Variants in KCNJ2 observed in about 807,000 individuals in gnomAD.
The protein encoded by KCNJ2 is inward rectifier potassium channel 2.
In KCNJ2, 12 loss-of-function variants were observed where a neutral mutation model predicts 28.4. The observed-to-expected ratio is 0.42, with a 90% CI of 0.27 to 0.68. KCNJ2 has a LOEUF of 0.68. Ranked by LOEUF, KCNJ2 falls within the 30% of genes least tolerant of loss-of-function variation. KCNJ2 has a pLI of 0.23. For missense variants in KCNJ2, 320 were observed against 551.3 expected, an observed-to-expected ratio of 0.58 and a Z score of 4.20; for synonymous variants, 200 against 203.2, an observed-to-expected ratio of 0.98 and a Z score of 0.13.
At position 70,175,793 on chromosome 17, in the gene KCNJ2, G is replaced by A; in HGVS notation, c.754G>A (p.Val252Ile). The change falls in exon 2 of 2, where the codon GTT becomes ATT. Residue 252 changes from valine to isoleucine, a missense_variant. Around this residue, in one of 3 missense-constraint regions of KCNJ2, gnomAD observed 155 missense variants for 231.6 expected, o/e 0.67. Coordinates refer to ENST00000243457, the MANE Select transcript of KCNJ2 (RefSeq NM_000891.3). The surrounding 1 kb of genome is among the most constrained non-coding windows in gnomAD (Gnocchi z 8.3). ...CCCTCTGGATCAAATAGACATCAAT[G>A]TTGGGTTTGACAGTGGAATCGATCG... ...YIPLDQIDIN[V>I]GFDSGIDRIF... 6.2e-7 allele frequency: 1 copy of A among 1,614,182 alleles called. No homozygotes were observed. Among genetic ancestry groups the A allele is most frequent in the Non-Finnish European group, 8.5e-7 (1 of 1,180,026 alleles).
chr17:70,176,529 G>A lies in KCNJ2; in HGVS notation c.*206G>A, dbSNP rs1488018801. ...AACCATGTCTCCATGTGACCCGATG[G>A]CACATAGATGTTGTAGAATAAGTTA... On this transcript the variant is annotated 3_prime_UTR_variant, in exon 2 of 2. Coordinates refer to ENST00000243457, the MANE Select transcript of KCNJ2 (RefSeq NM_000891.3). The A allele has an allele frequency of 1.6e-6, 1 of 624,098 alleles. No individual in the cohort carries two copies. Among genetic ancestry groups the A allele is most frequent in the Non-Finnish European group, 2.9e-6 (1 of 342,042 alleles). 38.7% of individuals were successfully genotyped at this position (624,098 alleles called of 1,614,324 possible). A position where few individuals can be genotyped will look rare whatever the true frequency, so the allele number is the denominator to read the frequency against.
intron 1 of KCNJ2, among the ~76,000 whole-genome samples, chr17:70,173,657 C>T (rs1028446150): frequency 2.6e-5 from 4 of 152,162 alleles, no homozygotes; most frequent in Admixed American, 6.5e-5. Flanking sequence ...ACTATTTGCA[C>T]ATATTAAGTA....
At chr17:70,172,455 A>G (rs546761239) in intron 1 of KCNJ2, among the ~76,000 whole-genome samples, 7 of 152,336 alleles carry the variant, frequency 4.6e-5, no homozygotes, top group Admixed American at 3.9e-4. Flanking sequence ...TAGTCTCTCA[A>G]TACAGGCTAC....
At position 70,176,426 on chromosome 17, in the gene KCNJ2, C is replaced by A; in HGVS notation, c.*103C>A. 9.9e-7 allele frequency: 1 copy of A among 1,009,360 alleles called. No individual in the cohort carries two copies. The highest frequency in any genetic ancestry group is 1.6e-6 in the Non-Finnish European group (1 of 639,146). 62.5% of individuals were successfully genotyped at this position (1,009,360 alleles called of 1,614,324 possible). ...ACGGTACTGGTCAAGATGGGTCAAGCAAGCGGCCACAAGGGACTGAGGCAA... is the reference window on the plus strand; with the variant it reads ...ACGGTACTGGTCAAGATGGGTCAAGAAAGCGGCCACAAGGGACTGAGGCAA... On this transcript the variant is annotated 3_prime_UTR_variant, in exon 2 of 2. Coordinates refer to ENST00000243457, the MANE Select transcript of KCNJ2 (RefSeq NM_000891.3).
intron 1 of KCNJ2, among the ~76,000 whole-genome samples, chr17:70,174,150 C>T (rs544673026): frequency 2.0e-5 from 3 of 152,174 alleles, no homozygotes; most frequent in South Asian, 4.1e-4. Flanking sequence ...GTTTTGTCCA[C>T]TAGTTCCCTC....
At position 70,175,618 on chromosome 17, in the gene KCNJ2, T is replaced by G. The variant is rs773272852; in HGVS notation, c.579T>G (p.Leu193=). Residue 193 remains leucine, a synonymous_variant, in exon 2 of 2, where the codon CTT becomes CTG. Coordinates refer to ENST00000243457, the MANE Select transcript of KCNJ2 (RefSeq NM_000891.3). This position sits in a 1 kb window ranked among gnomAD's most constrained non-coding sequence, Gnocchi z 8.3. ...AGCCAAAGAAGAGAAACGAGACTCT[T>G]GTCTTCAGTCACAATGCCGTGATTG... ...MAKPKKRNET[L]VFSHNAVIAM... 5.0e-5 allele frequency: 80 copies of G among 1,614,108 alleles called. No homozygotes were observed. The highest frequency in any genetic ancestry group is 6.6e-5 in the Non-Finnish European group (78 of 1,180,044).
chr17:70,174,122 T>C (rs2074378817), intron 1 of KCNJ2, among the ~76,000 whole-genome samples: 1 of 152,180 alleles, frequency 6.6e-6, no homozygotes, highest in Non-Finnish European at 1.5e-5. Context: ...ATAGGGGCAG[T>C]ATTCACCATC....
In KCNJ2 at chr17:70,179,033, G is replaced by A. The variant is rs899680889; in HGVS notation, c.*2710G>A. 7.1e-6 allele frequency: 1 copy of A among 140,312 alleles called. No individual in the cohort carries two copies. The highest frequency in any genetic ancestry group is 2.3e-4 in the East Asian group (1 of 4,346). 8.7% of individuals were successfully genotyped at this position (140,312 alleles called of 1,614,324 possible). A position where few individuals can be genotyped will look rare whatever the true frequency, so the allele number is the denominator to read the frequency against. On this transcript the variant is annotated 3_prime_UTR_variant, in exon 2 of 2. Coordinates refer to ENST00000243457, the MANE Select transcript of KCNJ2 (RefSeq NM_000891.3). ...ATTTGAAACCTTTTTCTAGTTATTAGCGTTTTAACAGTTACAAGCTTTAAA... is the reference window on the plus strand; with the variant it reads ...ATTTGAAACCTTTTTCTAGTTATTAACGTTTTAACAGTTACAAGCTTTAAA...
intron 1 of KCNJ2, among the ~76,000 whole-genome samples, chr17:70,173,019 C>A (rs895617622): frequency 6.6e-6 from 1 of 152,168 alleles, no homozygotes; most frequent in Non-Finnish European, 1.5e-5. Flanking sequence ...ACAGTAACTT[C>A]TTTTTATAAA....
Position 70,178,018 on chromosome 17 carries a change from A to G in KCNJ2, c.*1695A>G, listed in dbSNP as rs1307619257. 3.9e-5 allele frequency: 6 copies of G among 153,910 alleles called. No homozygotes were observed. Among genetic ancestry groups the G allele is most frequent in the African/African-American group, 1.1e-4 (4 of 36,510 alleles). The allele number at this position is 153,910 out of a possible 1,614,324, so 9.5% of individuals were successfully genotyped here. A position where few individuals can be genotyped will look rare whatever the true frequency, so the allele number is the denominator to read the frequency against. The stretch of plus-strand genomic sequence containing the variant: ...TTTTTTTTTCTCACTGAAGCTCAAT[A>G]ATGGAACTCTTTTTTTTTTTTTTTT... On this transcript the variant is annotated 3_prime_UTR_variant, in exon 2 of 2. Coordinates refer to ENST00000243457, the MANE Select transcript of KCNJ2 (RefSeq NM_000891.3).
rs1378655159 is a variant in KCNJ2 at position 70,176,983 on chromosome 17, CT to C, written c.*661del. The stretch of plus-strand genomic sequence containing the variant: ...TCTGGGTTGTTGTTTTTTTCTTTTC[CT>C]CCATGATGTTAATGGGTTATCTCAA... On this transcript the variant is annotated 3_prime_UTR_variant, in exon 2 of 2. Transcript: ENST00000243457. 6.0e-6 allele frequency: 1 copy of C among 167,572 alleles called. No individual in the cohort carries two copies. Among genetic ancestry groups the C allele is most frequent in the Non-Finnish European group, 1.5e-5 (1 of 68,692 alleles). The allele number at this position is 167,572 out of a possible 1,614,324, so 10.4% of individuals were successfully genotyped here. A position where few individuals can be genotyped will look rare whatever the true frequency, so the allele number is the denominator to read the frequency against.
rs786205132 is a variant in KCNJ2 at position 70,176,341 on chromosome 17, T to C, written c.*18T>C. The C allele has an allele frequency of 5.6e-6, 9 of 1,606,838 alleles. No individual in the cohort carries two copies. Among genetic ancestry groups the C allele is most frequent in the Non-Finnish European group, 7.7e-6 (9 of 1,173,504 alleles). On this transcript the variant is annotated 3_prime_UTR_variant, in exon 2 of 2. Coordinates refer to ENST00000243457, the MANE Select transcript of KCNJ2 (RefSeq NM_000891.3). ...AGATATGACTGACTGATTCCTTCTCTGGAATAGTTACTTTACAACACGGTC... is the reference window on the plus strand; with the variant it reads ...AGATATGACTGACTGATTCCTTCTCCGGAATAGTTACTTTACAACACGGTC...
intron 1 of KCNJ2, among the ~76,000 whole-genome samples, chr17:70,173,893 C>T (rs1264579646): frequency 6.6e-6 from 1 of 152,164 alleles, no homozygotes; most frequent in Non-Finnish European, 1.5e-5. Context: ...ATGACAGCCC[C>T]ATCTCAGGAG....
Position 70,178,328 on chromosome 17 carries a change from A to C in KCNJ2, c.*2005A>C, listed in dbSNP as rs574744146. Reference sequence around the variant, plus strand: ...GTTATTTTCAATGAAACAAAGAAAGAGATGTTAAGCAAGTGGTTGTTTTAG... The same window carrying C: ...GTTATTTTCAATGAAACAAAGAAAGCGATGTTAAGCAAGTGGTTGTTTTAG... On this transcript the variant is annotated 3_prime_UTR_variant, in exon 2 of 2. Coordinates refer to ENST00000243457, the MANE Select transcript of KCNJ2 (RefSeq NM_000891.3). 1.8e-5 allele frequency: 3 copies of C among 166,998 alleles called. No homozygotes were observed. The highest frequency in any genetic ancestry group is 4.4e-5 in the Non-Finnish European group (3 of 68,108). The allele number at this position is 166,998 out of a possible 1,614,324, so 10.3% of individuals were successfully genotyped here.
intron 1 of KCNJ2, among the ~76,000 whole-genome samples, chr17:70,171,369 A>G (rs956502295): frequency 6.6e-6 from 1 of 151,626 alleles, no homozygotes; most frequent in African/African-American, 2.4e-5. Flanking sequence ...AGGCTGTTCT[A>G]TATGGCGTCA....
intron 1 of KCNJ2, among the ~76,000 whole-genome samples, chr17:70,174,096 C>T (rs1482516533): frequency 2.6e-5 from 4 of 152,146 alleles, no homozygotes; most frequent in Admixed American, 2.6e-4. Flanking sequence ...GGATCCATTT[C>T]AGATTATTAT....
intron 1 of KCNJ2, among the ~76,000 whole-genome samples, chr17:70,174,224 G>C (rs1046979199): frequency 2.6e-5 from 4 of 152,132 alleles, no homozygotes; most frequent in Non-Finnish European, 2.9e-5. Flanking sequence ...CTATTTGTAG[G>C]TGGGAATCTG....
chr17:70,170,305 T>C lies in KCNJ2; in HGVS notation c.-217+604T>C, dbSNP rs540986959. On this transcript the variant is annotated intron_variant, in intron 1 of 1. Transcript: ENST00000243457. The stretch of plus-strand genomic sequence containing the variant: ...GATCGCAAAACTTTCACATTACATA[T>C]CACTCTCCCCTAACCAATTTGTTAT... 2.7e-3 allele frequency among the ~76,000 whole-genome samples: 405 copies of C among 152,214 alleles called. 2 individuals carry two copies. The highest frequency in any genetic ancestry group is 4.4e-3 in the Non-Finnish European group (302 of 68,006).
Position 70,179,305 on chromosome 17 carries a change from G to A in KCNJ2, c.*2982G>A, listed in dbSNP as rs985530972. The A allele has an allele frequency of 3.0e-5, 5 of 166,342 alleles. No homozygotes were observed. Among genetic ancestry groups the A allele is most frequent in the Non-Finnish European group, 5.9e-5 (4 of 67,988 alleles). 10.3% of individuals were successfully genotyped at this position (166,342 alleles called of 1,614,324 possible). A position where few individuals can be genotyped will look rare whatever the true frequency, so the allele number is the denominator to read the frequency against. Reference sequence around the variant, plus strand: ...GCAGATTCCCTGTTGGATTTACTTCGGATTTATTCCCTTTTAAAGAATTTT... The same window carrying A: ...GCAGATTCCCTGTTGGATTTACTTCAGATTTATTCCCTTTTAAAGAATTTT... On this transcript the variant is annotated 3_prime_UTR_variant, in exon 2 of 2. Coordinates refer to ENST00000243457, the MANE Select transcript of KCNJ2 (RefSeq NM_000891.3).
Sources: gnomAD v4.1 joint callset for allele counts (sites outside exome capture counted in the v4.1 genomes callset) on GRCh38, gnomAD v4.1.1 for gene constraint, gnomAD v4.1.1 regional missense constraint, Gnocchi (gnomAD v3.1) non-coding constraint, MANE v1.5 for transcripts, NCBI Gene and HGNC (gene_info 2026-07-23, HGNC 2026-07-21) for gene names.